The following ARID5B variants were observed in gnomAD, a reference collection of about 807,000 sequenced individuals.
ARID5B encodes AT-rich interaction domain 5B.
A neutral mutation model predicts 97.2 loss-of-function variants in ARID5B; 13 were observed. The observed-to-expected ratio is 0.13, with a 90% confidence interval of 0.09 to 0.21. ARID5B has a LOEUF of 0.21. Ranked by LOEUF, ARID5B falls within the 10% of genes least tolerant of loss-of-function variation. The pLI is 1.00. For missense variants in ARID5B, 1,210 were observed against 1,465.3 expected (o/e 0.83, Z 2.84); for synonymous variants, 556 against 570.3 (o/e 0.97, Z 0.36).
At position 62,091,516 on chromosome 10, in the gene ARID5B, G is replaced by A; in HGVS notation, c.2053G>A (p.Gly685Ser). 6.2e-7 allele frequency: 1 copy of A among 1,613,734 alleles called. No individual in the cohort carries two copies. The highest frequency in any genetic ancestry group is 8.5e-7 in the Non-Finnish European group (1 of 1,179,890). ...TPLLYSRGNP[G>S]IMSPLAKKKL... ...CCTGCTCTACTCTAGGGGCAACCCA[G>A]GCATCATGTCCCCACTGGCCAAGAA... The change falls in exon 10 of 10, where the codon GGC becomes AGC. Residue 685 changes from glycine to serine, a missense_variant. Physicochemically the swap from Gly to Ser is moderately conservative, Grantham distance 56 (BLOSUM62 0). This residue lies in a region of ARID5B where 800 missense variants were observed against 839.1 expected (regional missense o/e 0.95). Coordinates refer to ENST00000279873, the MANE Select transcript of ARID5B (RefSeq NM_032199.3).
At chr10:61,997,222 A>G (rs972613684) in intron 3 of ARID5B, among the ~76,000 whole-genome samples, 3 of 151,848 alleles carry the variant, frequency 2.0e-5, no homozygotes. Flanking sequence ...TGACTTGGCT[A>G]GTGTTTTGGG....
At chr10:62,067,311 A>C (rs1011053328) in intron 7 of ARID5B, among the ~76,000 whole-genome samples, 7 of 152,118 alleles carry the variant, frequency 4.6e-5, no homozygotes, top group African/African-American at 1.7e-4. Context: ...TTGAACTCCC[A>C]ACCTCAGGTG....
At chr10:62,036,140 C>T (rs1399756351) in intron 4 of ARID5B, among the ~76,000 whole-genome samples, 4 of 151,880 alleles carry the variant, frequency 2.6e-5, no homozygotes, top group African/African-American at 9.7e-5. Flanking sequence ...AGCTTTTAAG[C>T]GAGGAGTTAG....
At chr10:61,979,629 C>G (rs948430168) in intron 3 of ARID5B, among the ~76,000 whole-genome samples, 2 of 152,162 alleles carry the variant, frequency 1.3e-5, no homozygotes, top group Admixed American at 1.3e-4. Flanking sequence ...ATGTCCTTCC[C>G]CAGCTCCAAG....
chr10:61,914,412 G>A (rs1486943558), intron 2 of ARID5B, among the ~76,000 whole-genome samples: 1 of 152,184 alleles, frequency 6.6e-6, no homozygotes, highest in Non-Finnish European at 1.5e-5. Flanking sequence ...AGTGAACAAT[G>A]AGTGACTAGT....
chr10:62,064,108 G>A (rs1839956561), intron 7 of ARID5B, among the ~76,000 whole-genome samples: 1 of 152,196 alleles, frequency 6.6e-6, no homozygotes, highest in Non-Finnish European at 1.5e-5. Flanking sequence ...TCTTCATCTG[G>A]AAGAAGCCTC....
At chr10:62,054,660 G>A (rs1839831974) in intron 5 of ARID5B, among the ~76,000 whole-genome samples, 1 of 152,170 alleles carries the variant, frequency 6.6e-6, no homozygotes, top group African/African-American at 2.4e-5. Context: ...GGGTTAAGCA[G>A]CTCTCTACAC....
chr10:61,957,591 T>A (rs990180775), intron 3 of ARID5B, among the ~76,000 whole-genome samples: 1 of 152,244 alleles, frequency 6.6e-6, no homozygotes, highest in Admixed American at 6.5e-5. Flanking sequence ...TTAACTGTCA[T>A]ATATTTAGCA....
chr10:61,931,145 T>C (rs1844203386), intron 2 of ARID5B, among the ~76,000 whole-genome samples: 1 of 152,198 alleles, frequency 6.6e-6, no homozygotes. Context: ...ACCATGGCTC[T>C]CAAAGTTTCG....
chr10:62,035,690 C>T (rs1396211552), intron 4 of ARID5B, among the ~76,000 whole-genome samples: 2 of 151,718 alleles, frequency 1.3e-5, no homozygotes, highest in East Asian at 3.9e-4. Context: ...CGGGGTTTCA[C>T]CATGTTGGCC....
At chr10:61,959,675 G>T (rs147477973) in intron 3 of ARID5B, among the ~76,000 whole-genome samples, 1 of 152,168 alleles carries the variant, frequency 6.6e-6, no homozygotes, top group South Asian at 2.1e-4. Flanking sequence ...TGATTTTAAA[G>T]GTTATGATAT....
Position 62,085,914 on chromosome 10 carries a change from C to A in ARID5B, c.1398+14C>A. 1 of 1,604,368 alleles carries A rather than the reference C, an allele frequency of 6.2e-7. No homozygotes were observed. On this transcript the variant is annotated intron_variant, in intron 9 of 9. Transcript: ENST00000279873. Reference sequence around the variant, plus strand: ...GATGCAGCAGAGGTGAGTTGCTTTGCTCCATAGAAATACCTCTGGAAGACA... The same window carrying A: ...GATGCAGCAGAGGTGAGTTGCTTTGATCCATAGAAATACCTCTGGAAGACA...
At chr10:62,049,057 A>T (rs1839749698) in intron 4 of ARID5B, among the ~76,000 whole-genome samples, 1 of 152,234 alleles carries the variant, frequency 6.6e-6, no homozygotes, top group African/African-American at 2.4e-5. Flanking sequence ...AAGTCTTCTA[A>T]ACAAAACAAA....
intron 4 of ARID5B, among the ~76,000 whole-genome samples, chr10:62,006,069 G>A (rs777358077): frequency 2.6e-5 from 4 of 152,186 alleles, no homozygotes; most frequent in Non-Finnish European, 5.9e-5. Context: ...TTATGCAGAA[G>A]ACCTTAACCT....
At chr10:62,001,678 G>C (rs946356757) in intron 4 of ARID5B, among the ~76,000 whole-genome samples, 23 of 152,162 alleles carry the variant, frequency 1.5e-4, no homozygotes, top group African/African-American at 5.3e-4. Context: ...GGAAGACAGA[G>C]AGAGGAAGGG....
At chr10:61,910,788 G>A (rs942130117) in intron 2 of ARID5B, among the ~76,000 whole-genome samples, 4 of 152,204 alleles carry the variant, frequency 2.6e-5, no homozygotes, top group African/African-American at 4.8e-5. Context: ...TGTTAGCAGC[G>A]TTAAAGATGG....
chr10:61,969,985 C>T (rs760275807), intron 3 of ARID5B, among the ~76,000 whole-genome samples: 1 of 152,068 alleles, frequency 6.6e-6, no homozygotes, highest in East Asian at 1.9e-4. Flanking sequence ...CTTGCCAGTA[C>T]GAGAAAAGTG....
chr10:61,919,036 T>TCCCCCCCC (rs71022105), intron 2 of ARID5B, among the ~76,000 whole-genome samples: 1 of 63,446 alleles, frequency 1.6e-5, no homozygotes, highest in Non-Finnish European at 2.8e-5. Context: ...CCTGACTCCG[T>TCCCCCCCC]CCCCCCCCCC....
At chr10:61,974,858 A>G (rs926722599) in intron 3 of ARID5B, among the ~76,000 whole-genome samples, 2 of 152,036 alleles carry the variant, frequency 1.3e-5, no homozygotes, top group African/African-American at 4.8e-5. Context: ...ACAGTTTGGA[A>G]AATGAAGTAA....
Sources: allele counts gnomAD v4.1 joint callset (sites outside exome capture counted in the v4.1 genomes callset), GRCh38; gene constraint gnomAD v4.1.1; regional missense constraint gnomAD v4.1.1; transcripts MANE v1.5; gene names NCBI Gene and HGNC (gene_info 2026-07-23, HGNC 2026-07-21).